The following SLC35F3 variants were observed in gnomAD, a reference collection of about 807,000 sequenced individuals.
The protein encoded by SLC35F3 is putative thiamine transporter SLC35F3.
SLC35F3 carries 25 observed loss-of-function variants against 49.9 expected under a neutral mutation model. That is an observed-to-expected ratio of 0.50 (90% confidence interval 0.37 to 0.70). SLC35F3 has a LOEUF of 0.70. Ranked by LOEUF, SLC35F3 falls within the 30% of genes least tolerant of loss-of-function variation. The probability of loss-of-function intolerance (pLI) is 0.00; values close to 1 mark genes in which losing one functional copy is unlikely to be tolerated. For synonymous variants in SLC35F3, 275 were observed against 265.4 expected (o/e 1.04, Z -0.35); for missense variants, 525 against 639.8 (o/e 0.82, Z 1.94).
At chr1:234,257,400 T>G (rs1667837401) in intron 3 of SLC35F3, among the ~76,000 whole-genome samples, 1 of 152,194 alleles carries the variant, frequency 6.6e-6, no homozygotes, top group African/African-American at 2.4e-5. Context: ...TTTGTATGAT[T>G]TGAGTTGTTC....
chr1:234,189,147 G>T (rs955778456), intron 2 of SLC35F3, among the ~76,000 whole-genome samples: 17 of 151,504 alleles, frequency 1.1e-4, no homozygotes, highest in African/African-American at 4.1e-4. Context: ...ACAAAACAAG[G>T]TTCTTTAACA....
At chr1:234,075,703 C>A (rs1474731663) in intron 2 of SLC35F3, among the ~76,000 whole-genome samples, 3 of 152,046 alleles carry the variant, frequency 2.0e-5, no homozygotes, top group Non-Finnish European at 4.4e-5. Context: ...AGTAAAGACC[C>A]CAATTCACTG....
chr1:234,059,131 G>C (rs747949969), intron 2 of SLC35F3, among the ~76,000 whole-genome samples: 3 of 151,122 alleles, frequency 2.0e-5, no homozygotes, highest in Admixed American at 6.6e-5. Context: ...ATAGCTTTTC[G>C]TTTCATCCAT....
At chr1:233,952,554 C>T (rs1662625454) in intron 2 of SLC35F3, among the ~76,000 whole-genome samples, 1 of 152,208 alleles carries the variant, frequency 6.6e-6, no homozygotes, top group African/African-American at 2.4e-5. Context: ...CTTCTTCCTC[C>T]ACACAGACTC....
chr1:233,950,713 TCTC>T (rs943782758), intron 2 of SLC35F3, among the ~76,000 whole-genome samples: 1 of 152,044 alleles, frequency 6.6e-6, no homozygotes, highest in Non-Finnish European at 1.5e-5. Flanking sequence ...TAAAAGAACA[TCTC>T]CTATCACACT....
intron 2 of SLC35F3, among the ~76,000 whole-genome samples, chr1:234,225,102 A>G (rs1667266199): frequency 6.6e-6 from 1 of 152,244 alleles, no homozygotes; most frequent in African/African-American, 2.4e-5. Context: ...GGGTTGGGAC[A>G]CGTGAAGTGC....
intron 2 of SLC35F3, among the ~76,000 whole-genome samples, chr1:233,944,061 G>C (rs1392458103): frequency 2.0e-5 from 3 of 152,124 alleles, no homozygotes; most frequent in Non-Finnish European, 2.9e-5. Flanking sequence ...GAAATTTATA[G>C]CACTAAATGC....
chr1:233,911,967 C>G (rs931517668), intron 2 of SLC35F3, among the ~76,000 whole-genome samples: 1 of 152,200 alleles, frequency 6.6e-6, no homozygotes, highest in African/African-American at 2.4e-5. Flanking sequence ...TGGTCCTTTC[C>G]TTAAGCAGCT....
intron 3 of SLC35F3, among the ~76,000 whole-genome samples, chr1:234,233,503 T>TCAC (rs1667416428): frequency 6.6e-6 from 1 of 152,222 alleles, no homozygotes; most frequent in African/African-American, 2.4e-5. Context: ...GGGAAGACTG[T>TCAC]CACCACCAGC....
At chr1:234,295,166 C>G (rs1007468977) in intron 3 of SLC35F3, among the ~76,000 whole-genome samples, 1 of 152,184 alleles carries the variant, frequency 6.6e-6, no homozygotes, top group Non-Finnish European at 1.5e-5. Context: ...ATCACTAGGA[C>G]AAGATATTGT....
At chr1:234,288,818 G>C (rs1387630071) in intron 3 of SLC35F3, among the ~76,000 whole-genome samples, 1 of 152,134 alleles carries the variant, frequency 6.6e-6, no homozygotes, top group Non-Finnish European at 1.5e-5. Flanking sequence ...TTGTCTTTCT[G>C]GCTTCAAAAA....
chr1:233,938,491 G>A (rs1287990751), intron 2 of SLC35F3, among the ~76,000 whole-genome samples: 2 of 152,150 alleles, frequency 1.3e-5, no homozygotes, highest in African/African-American at 4.8e-5. Flanking sequence ...CCCTTCAAAT[G>A]GATTTTGGGA....
chr1:233,965,151 AC>A (rs1662881861), intron 2 of SLC35F3, among the ~76,000 whole-genome samples: 1 of 152,188 alleles, frequency 6.6e-6, no homozygotes, highest in South Asian at 2.1e-4. Flanking sequence ...AAAATGTACA[AC>A]TAAAGCAATT....
At chr1:234,074,024 C>A (rs538739164) in intron 2 of SLC35F3, among the ~76,000 whole-genome samples, 8 of 152,264 alleles carry the variant, frequency 5.3e-5, no homozygotes, top group Admixed American at 3.9e-4. Context: ...TGGCAAAATT[C>A]TCCATCTATT....
intron 2 of SLC35F3, among the ~76,000 whole-genome samples, chr1:234,160,675 C>T (rs1419857942): frequency 6.6e-6 from 1 of 152,158 alleles, no homozygotes; most frequent in Non-Finnish European, 1.5e-5. Flanking sequence ...CTCTTGGTCC[C>T]AGCTAACCAA....
intron 2 of SLC35F3, among the ~76,000 whole-genome samples, chr1:234,116,582 G>A (rs1006382249): frequency 5.3e-5 from 8 of 150,560 alleles, no homozygotes; most frequent in African/African-American, 1.9e-4. Context: ...CGCAATCTCA[G>A]CTCACTGCAA....
intron 2 of SLC35F3, among the ~76,000 whole-genome samples, chr1:233,926,133 G>C (rs1662155930): frequency 6.6e-6 from 1 of 152,114 alleles, no homozygotes; most frequent in South Asian, 2.1e-4. Context: ...TTCTCGAGGA[G>C]TATCTTTGTG....
chr1:234,266,882 T>G (rs12129615), intron 3 of SLC35F3, among the ~76,000 whole-genome samples: 20,428 of 146,972 alleles, frequency 0.14, 1,458 homozygotes, highest in Non-Finnish European at 0.17. Context: ...GGTTTTTTTT[T>G]TTTTTTTTTT....
At chr1:234,030,505 A>G (rs1228237912) in intron 2 of SLC35F3, among the ~76,000 whole-genome samples, 1 of 152,188 alleles carries the variant, frequency 6.6e-6, no homozygotes, top group East Asian at 1.9e-4. Flanking sequence ...AACTCTTTTC[A>G]TTGATTAGGG....
Sources: gnomAD v4.1 joint callset for allele counts (sites outside exome capture counted in the v4.1 genomes callset) on GRCh38, gnomAD v4.1.1 for gene constraint, MANE v1.5 for transcripts, NCBI Gene and HGNC (gene_info 2026-07-23, HGNC 2026-07-21) for gene names.